Variants in TECRL observed in about 807,000 individuals in gnomAD.
TECRL encodes the protein trans-2,3-enoyl-CoA reductase like, also known as trans-2,3-enoyl-CoA reductase-like.
In TECRL, 63 loss-of-function variants were observed where a neutral mutation model predicts 52.8. The observed-to-expected ratio is 1.19, with a 90% CI of 0.97 to 1.47. TECRL has a LOEUF of 1.47. Ranked by LOEUF, TECRL falls within the 40% of genes most tolerant of loss-of-function variation. The probability of loss-of-function intolerance (pLI) is 0.00; values close to 1 mark genes in which losing one functional copy is unlikely to be tolerated. For synonymous variants in TECRL, 164 were observed against 141.9 expected (o/e 1.16, Z -1.10); for missense variants, 482 against 429.6 (o/e 1.12, Z -1.08).
At chr4:64,387,891 T>G (rs1723286746) in intron 1 of TECRL, among the ~76,000 whole-genome samples, 1 of 151,832 alleles carries the variant, frequency 6.6e-6, no homozygotes, top group African/African-American at 2.4e-5. Context: ...CTTTGTATAT[T>G]TTATAAATAT....
chr4:64,339,404 C>T (rs1194467345), intron 2 of TECRL, among the ~76,000 whole-genome samples: 1 of 151,682 alleles, frequency 6.6e-6, no homozygotes, highest in Admixed American at 6.6e-5. Flanking sequence ...AAGAAACCTG[C>T]ATGTTTTGCA....
At chr4:64,335,048 G>A (rs1282277592) in intron 2 of TECRL, among the ~76,000 whole-genome samples, 1 of 152,150 alleles carries the variant, frequency 6.6e-6, no homozygotes, top group African/African-American at 2.4e-5. Context: ...AGACCTGATT[G>A]TCCACCTCTT....
rs756352239 is a variant in TECRL at position 64,358,179 on chromosome 4, G to A, written c.286+16993C>T. ...TAAAATTCAGCGATGTATGCTAAACGTTAAAATGAGCTTATTTATGACAGC... is the reference window on the plus strand; with the variant it reads ...TAAAATTCAGCGATGTATGCTAAACATTAAAATGAGCTTATTTATGACAGC... On this transcript the variant is annotated intron_variant, in intron 2 of 11. Coordinates refer to ENST00000381210, the MANE Select transcript of TECRL (RefSeq NM_001010874.5). Among the ~76,000 whole-genome samples, 212 of 151,728 alleles carry A rather than the reference G, an allele frequency of 1.4e-3. 2 individuals are homozygous for A. Among genetic ancestry groups the A allele is most frequent in the Non-Finnish European group, 1.7e-3 (112 of 67,708 alleles).
At chr4:64,322,558 G>C (rs2087175364) in intron 4 of TECRL, 131 bp downstream of exon 4, 2 of 495,668 alleles carry the variant, frequency 4.0e-6, no homozygotes, top group Non-Finnish European at 6.4e-6. Context: ...GTCATAGTAA[G>C]AATAGAAAAT....
At chr4:64,382,191 GTATATATATATATATATATA>G (rs200934355) in intron 1 of TECRL, among the ~76,000 whole-genome samples, 197 of 13,382 alleles carry the variant, frequency 0.015, no homozygotes, top group African/African-American at 0.023. Context: ...GGAAATTTCT[GTATATATATATATATATATA>G]TATATATATA....
At chr4:64,406,877 C>A (rs1040129969) in intron 1 of TECRL, among the ~76,000 whole-genome samples, 1 of 151,600 alleles carries the variant, frequency 6.6e-6, no homozygotes, top group African/African-American at 2.4e-5. Context: ...GAGCCAGGTA[C>A]AATGAAAGGC....
chr4:64,295,190 A>G (rs1723610291), intron 8 of TECRL, among the ~76,000 whole-genome samples: 1 of 151,630 alleles, frequency 6.6e-6, no homozygotes, highest in Admixed American at 6.6e-5. Flanking sequence ...CCAAAAATAC[A>G]TGTACTAACC....
chr4:64,291,453 A>G (rs1723383852), intron 8 of TECRL, among the ~76,000 whole-genome samples: 1 of 151,846 alleles, frequency 6.6e-6, no homozygotes, highest in Admixed American at 6.6e-5. Flanking sequence ...GTTTTCCATC[A>G]CTCACAGTGC....
At position 64,309,868 on chromosome 4, in the gene TECRL, G is replaced by A. The variant is rs928573799; in HGVS notation, c.615C>T (p.His205=). The change falls in exon 6 of 12, where the codon CAC becomes CAT. Residue 205 remains histidine (H), a synonymous_variant. Transcript: ENST00000381210. ...AAGGTGTGTGTCCTGCAGAAACTTTGTGAACAAATAAGGTTTCCAAAAGGT... is the reference window on the plus strand; with the variant it reads ...AAGGTGTGTGTCCTGCAGAAACTTTATGAACAAATAAGGTTTCCAAAAGGT... ...IRYLLETLFV[H]KVSAGHTPLK... The A allele has an allele frequency of 6.2e-7, 1 of 1,612,584 alleles. No homozygotes were observed. Among genetic ancestry groups the A allele is most frequent in the Non-Finnish European group, 8.5e-7 (1 of 1,179,088 alleles).
intron 1 of TECRL, among the ~76,000 whole-genome samples, chr4:64,406,534 AAAT>A (rs1015352797): frequency 2.0e-5 from 3 of 151,948 alleles, no homozygotes; most frequent in Admixed American, 1.3e-4. Context: ...ATTAAAAATA[AAAT>A]AATAATAATA....
intron 9 of TECRL, among the ~76,000 whole-genome samples, chr4:64,288,163 A>G (rs1403596895): frequency 2.0e-5 from 3 of 151,818 alleles, no homozygotes; most frequent in Non-Finnish European, 4.4e-5. Context: ...AAAAAAAAAA[A>G]GAAAAGAAAT....
chr4:64,280,991 T>G, intron 11 of TECRL, 50 bp downstream of exon 11: 1 of 1,375,274 alleles, frequency 7.3e-7, no homozygotes. Flanking sequence ...AAACCATTTA[T>G]CTTAAAGATG....
rs146303464 is a variant in TECRL, at chr4:64,368,202, G to A, written c.286+6970C>T. Among the ~76,000 whole-genome samples the A allele has an allele frequency of 9.6e-3, 1,455 of 152,178 alleles. 25 individuals are homozygous for A. The highest frequency in any genetic ancestry group is 0.033 in the African/African-American group (1,370 of 41,526). On this transcript the variant is annotated intron_variant, in intron 2 of 11. Transcript: ENST00000381210. ...AAATGTTACCATGTTACCAAAAAAT[G>A]AATTCATGAATAATTTGGCAAATTA...
At chr4:64,372,173 A>G (rs901236362) in intron 2 of TECRL, among the ~76,000 whole-genome samples, 10 of 151,800 alleles carry the variant, frequency 6.6e-5, no homozygotes, top group Non-Finnish European at 1.5e-5. Context: ...TAAGCTCTCT[A>G]GAAGAGACTT....
chr4:64,313,546 A>T (rs1249399936), intron 5 of TECRL, among the ~76,000 whole-genome samples: 1 of 128,344 alleles, frequency 7.8e-6, no homozygotes, highest in East Asian at 2.3e-4. Context: ...CAGTGGTGCG[A>T]TCTCAGCTCA....
chr4:64,279,703 G>C lies in TECRL; in HGVS notation c.*369C>G, dbSNP rs532969219. The C allele has an allele frequency of 3.4e-5, 27 of 782,774 alleles. No individual in the cohort carries two copies. In the South Asian group the frequency reaches 1.5e-3, roughly 44 times the overall value. The allele number at this position is 782,774 out of a possible 1,614,324, so 48.5% of individuals were successfully genotyped here. A position where few individuals can be genotyped will look rare whatever the true frequency, so the allele number is the denominator to read the frequency against. Reference sequence around the variant, plus strand: ...AAATATACTTATTGACCATGTATATGTCTTCCTTTGGGAAATGTCTGTTCA... The same window carrying C: ...AAATATACTTATTGACCATGTATATCTCTTCCTTTGGGAAATGTCTGTTCA... On this transcript the variant is annotated 3_prime_UTR_variant, in exon 12 of 12. Transcript: ENST00000381210.
rs1178076879 is a variant in TECRL at position 64,278,489 on chromosome 4, C to A, written c.*1583G>T. 1 of 251,358 alleles carries A rather than the reference C, an allele frequency of 4.0e-6. No individual in the cohort carries two copies. Among genetic ancestry groups the A allele is most frequent in the South Asian group, 1.5e-4 (1 of 6,708 alleles). 15.6% of individuals were successfully genotyped at this position (251,358 alleles called of 1,614,324 possible). On this transcript the variant is annotated 3_prime_UTR_variant, in exon 12 of 12. Coordinates refer to ENST00000381210, the MANE Select transcript of TECRL (RefSeq NM_001010874.5). ...TTTAAATTAAATTTTATTTTTTGAG[C>A]GACATAAGAATTGAACATATTTGGG... is the stretch of plus-strand genomic sequence containing the variant.
Position 64,289,875 on chromosome 4 carries a change from T to C in TECRL, c.775-108A>G. On this transcript the variant is annotated intron_variant, in intron 8 of 11. Coordinates refer to ENST00000381210, the MANE Select transcript of TECRL (RefSeq NM_001010874.5). ...TGTGTTGTACATTAATCCCAAAGAT[T>C]CAAAAGATATATATTTTATTCTAAT... 4 of 606,532 alleles carry C rather than the reference T, an allele frequency of 6.6e-6. No individual in the cohort carries two copies. The South Asian group carries it at 2.2e-4, about 33-fold the overall frequency. The allele number at this position is 606,532 out of a possible 1,614,324, so 37.6% of individuals were successfully genotyped here.
chr4:64,387,416 A>ATCT (rs1466607495), intron 1 of TECRL, among the ~76,000 whole-genome samples: 5 of 152,118 alleles, frequency 3.3e-5, no homozygotes, highest in Non-Finnish European at 5.9e-5. Context: ...AGCTCATTTG[A>ATCT]GTAGATACCA....
Sources: gnomAD v4.1 joint callset for allele counts (sites outside exome capture counted in the v4.1 genomes callset) on GRCh38, gnomAD v4.1.1 for gene constraint, MANE v1.5 for transcripts, NCBI Gene and HGNC (gene_info 2026-07-23, HGNC 2026-07-21) for gene names.